PTH2R: variants seen among roughly 807,000 people sequenced by gnomAD.
The protein encoded by PTH2R is PTH2 receptor.
Under a neutral mutation model 60.3 loss-of-function variants are expected in PTH2R, and 59 were observed. The ratio of observed to expected loss-of-function variants is 0.98; its 90% CI spans 0.79 to 1.22. The LOEUF (loss-of-function observed/expected upper bound fraction) is 1.22, where lower values mean the gene tolerates loss of function less well. Among genes scored for constraint, PTH2R ranks in the 50% most tolerant of loss-of-function variants. PTH2R has a pLI of 0.00. For missense variants in PTH2R, 749 were observed against 682.6 expected (o/e 1.10, Z -1.08); for synonymous variants, 256 against 243.8 (o/e 1.05, Z -0.47).
intron 2 of PTH2R, among the ~76,000 whole-genome samples, chr2:208,432,360 C>G (rs950908182): frequency 6.6e-6 from 1 of 152,110 alleles, no homozygotes; most frequent in African/African-American, 2.4e-5. Flanking sequence ...ATAATTTTAA[C>G]AACAGAGGTG....
intron 1 of PTH2R, among the ~76,000 whole-genome samples, chr2:208,392,916 C>T (rs550953469): frequency 3.9e-4 from 60 of 152,330 alleles, no homozygotes; most frequent in African/African-American, 1.4e-3. Context: ...AACCCAGTGA[C>T]CTCTGCCTCC....
At chr2:208,426,916 A>C (rs963824499) in intron 1 of PTH2R, among the ~76,000 whole-genome samples, 2 of 152,236 alleles carry the variant, frequency 1.3e-5, no homozygotes, top group Non-Finnish European at 2.9e-5. Context: ...CATTCTGATC[A>C]TACTTGCTCC....
At chr2:208,377,665 TGCCGGGCGGAGGG>T (rs1700826447) in intron 1 of PTH2R, among the ~76,000 whole-genome samples, 9 of 146,288 alleles carry the variant, frequency 6.2e-5, no homozygotes, top group Non-Finnish European at 1.2e-4. Flanking sequence ...ACGGGGCAGC[TGCCGGGCGGAGGG>T]GCTCCTCACT....
In PTH2R at chr2:208,494,375, T is replaced by G. The variant is rs1047004235; in HGVS notation, c.*716T>G. The G allele has an allele frequency of 2.0e-5, 3 of 152,262 alleles. No individual in the cohort carries two copies. The highest frequency in any genetic ancestry group is 7.2e-5 in the African/African-American group (3 of 41,474). The allele number at this position is 152,262 out of a possible 1,614,324, so 9.4% of individuals were successfully genotyped here. On this transcript the variant is annotated 3_prime_UTR_variant, in exon 13 of 13. Coordinates refer to ENST00000272847, the MANE Select transcript of PTH2R (RefSeq NM_005048.4). ...AAGATTTCCTCAGTTAGTGAGCTTGTGTCTGCAAATTGATTTTGTTTGTAA... is the reference window on the plus strand; with the variant it reads ...AAGATTTCCTCAGTTAGTGAGCTTGGGTCTGCAAATTGATTTTGTTTGTAA...
intron 1 of PTH2R, among the ~76,000 whole-genome samples, chr2:208,392,669 A>G (rs1384611314): frequency 1.3e-5 from 2 of 152,182 alleles, no homozygotes; most frequent in East Asian, 3.8e-4. Flanking sequence ...AAAGGTAAAT[A>G]TCAGGTTAGA....
intron 1 of PTH2R, among the ~76,000 whole-genome samples, chr2:208,366,410 A>G (rs1398279725): frequency 6.6e-6 from 1 of 152,138 alleles, no homozygotes; most frequent in Non-Finnish European, 1.5e-5. Flanking sequence ...AGGAATTGAA[A>G]CTATAATAGG....
chr2:208,488,002 A>G (rs928930178), intron 10 of PTH2R, among the ~76,000 whole-genome samples: 1 of 152,230 alleles, frequency 6.6e-6, no homozygotes, highest in Non-Finnish European at 1.5e-5. Context: ...GGTCTTGCCT[A>G]CACTTAGAGG....
chr2:208,380,331 C>T (rs183517232), intron 1 of PTH2R, among the ~76,000 whole-genome samples: 1 of 152,164 alleles, frequency 6.6e-6, no homozygotes, highest in Non-Finnish European at 1.5e-5. Flanking sequence ...ATGATGGTAT[C>T]TGAATTAACA....
At chr2:208,407,503 C>G (rs889538611) in intron 1 of PTH2R, among the ~76,000 whole-genome samples, 4 of 152,208 alleles carry the variant, frequency 2.6e-5, no homozygotes, top group Non-Finnish European at 4.4e-5. Flanking sequence ...TGGTAATTTA[C>G]CATCGCTTTT....
At chr2:208,378,388 G>A (rs1394394750) in intron 1 of PTH2R, among the ~76,000 whole-genome samples, 2 of 151,884 alleles carry the variant, frequency 1.3e-5, no homozygotes, top group Non-Finnish European at 2.9e-5. Flanking sequence ...GGAGACTGTG[G>A]GGAGAGGGAG....
rs552658453 is a variant in PTH2R, at chr2:208,394,672, G to A, written c.-258-33529G>A. On this transcript the variant is annotated intron_variant, in intron 1 of 12. Coordinates refer to the PTH2R transcript ENST00000617735. ...AAAAATGGATCTCAAGAAAAACTACGTAATTGAGCAAGGCCCCTTTAAGGG... is the reference window on the plus strand; with the variant it reads ...AAAAATGGATCTCAAGAAAAACTACATAATTGAGCAAGGCCCCTTTAAGGG... Among the ~76,000 whole-genome samples, 4 of 152,244 alleles carry A rather than the reference G, an allele frequency of 2.6e-5. 1 individual carries two copies. Among genetic ancestry groups the A allele is most frequent in the South Asian group, 4.1e-4 (2 of 4,822 alleles).
At chr2:208,488,941 TCCTCCAGCACG>T in intron 10 of PTH2R, 60 bp from the exon 11 acceptor site, 1 of 1,417,540 alleles carries the variant, frequency 7.1e-7, no homozygotes, top group Admixed American at 1.9e-5. Flanking sequence ...GTTTTTTTTT[TCCTCCAGCACG>T]CTGTCTTTAC....
intron 2 of PTH2R, among the ~76,000 whole-genome samples, chr2:208,436,485 C>T (rs1465956710): frequency 6.6e-6 from 1 of 152,152 alleles, no homozygotes; most frequent in Non-Finnish European, 1.5e-5. Context: ...GCAGAATACC[C>T]AGCACATGAG....
At chr2:208,450,498 C>T (rs527586355) in intron 7 of PTH2R, among the ~76,000 whole-genome samples, 11 of 152,130 alleles carry the variant, frequency 7.2e-5, no homozygotes, top group Admixed American at 1.3e-4. Flanking sequence ...TTTCCCTACA[C>T]CCCTCAGATG....
At chr2:208,461,038 G>C (rs1008230635) in intron 9 of PTH2R, among the ~76,000 whole-genome samples, 1 of 152,054 alleles carries the variant, frequency 6.6e-6, no homozygotes, top group Non-Finnish European at 1.5e-5. Flanking sequence ...AAGAAAATAG[G>C]AGAGATCAAA....
chr2:208,443,609 A>G (rs976504404), intron 6 of PTH2R, 72 bp downstream of exon 6: 9 of 1,289,256 alleles, frequency 7.0e-6, no homozygotes, highest in African/African-American at 3.0e-5. Context: ...TTTACAGTCC[A>G]CTAAACATGT....
chr2:208,442,281 A>G, intron 4 of PTH2R, 83 bp from the exon 5 acceptor site: 3 of 1,010,220 alleles, frequency 3.0e-6, no homozygotes, highest in Non-Finnish European at 4.6e-6. Context: ...TAGAAATAAG[A>G]TTCCAAAAAT....
At chr2:208,460,804 T>A (rs936809130) in intron 9 of PTH2R, among the ~76,000 whole-genome samples, 1 of 152,178 alleles carries the variant, frequency 6.6e-6, no homozygotes, top group Non-Finnish European at 1.5e-5. Flanking sequence ...AAAAAATAAT[T>A]ACTATCTTGA....
At chr2:208,482,751 G>C (rs1239085538) in intron 10 of PTH2R, among the ~76,000 whole-genome samples, 1 of 152,190 alleles carries the variant, frequency 6.6e-6, no homozygotes, top group Non-Finnish European at 1.5e-5. Flanking sequence ...GCCTTGAAGA[G>C]CTGTCCAAGA....
Sources: allele counts gnomAD v4.1 joint callset (sites outside exome capture counted in the v4.1 genomes callset), GRCh38; gene constraint gnomAD v4.1.1; transcripts MANE v1.5; gene names NCBI Gene and HGNC (gene_info 2026-07-23, HGNC 2026-07-21).